GRM4: variants seen among roughly 807,000 people sequenced by gnomAD.
GRM4 encodes glutamate metabotropic receptor 4.
A neutral mutation model predicts 81.7 loss-of-function variants in GRM4; 28 were observed. That is an observed-to-expected ratio of 0.34 (90% CI 0.25 to 0.47). GRM4 has a LOEUF of 0.47. Ranked by LOEUF, GRM4 falls within the 20% of genes least tolerant of loss-of-function variation. The pLI is 1.00. For missense variants in GRM4, 948 were observed against 1,290.0 expected (o/e 0.73, Z 4.06); for synonymous variants, 488 against 528.8 (o/e 0.92, Z 1.06).
intron 8 of GRM4, among the ~76,000 whole-genome samples, chr6:34,038,619 C>A (rs1489280893): frequency 1.3e-5 from 2 of 152,086 alleles, no homozygotes; most frequent in Non-Finnish European, 2.9e-5. Flanking sequence ...CAGCACAGCC[C>A]AAACTGAGCC....
At position 34,074,375 on chromosome 6, in the gene GRM4, T is replaced by G. The variant is rs1387020153; in HGVS notation, c.737-12347A>C. ...ATTGCCCGTGGACAGGGTCAGCCCCTAGGGGATATTTTGGGGTGTGGAGGA... is the reference window on the plus strand; with the variant it reads ...ATTGCCCGTGGACAGGGTCAGCCCCGAGGGGATATTTTGGGGTGTGGAGGA... On this transcript the variant is annotated intron_variant, in intron 3 of 10. Transcript: ENST00000538487. This position sits in a 1 kb window ranked among gnomAD's most constrained non-coding sequence, Gnocchi z 4.9. 1.3e-5 allele frequency among the ~76,000 whole-genome samples: 2 copies of G among 152,172 alleles called. No individual in the cohort carries two copies. Among genetic ancestry groups the G allele is most frequent in the East Asian group, 3.9e-4 (2 of 5,186 alleles).
At chr6:34,151,410 C>G (rs1457613509) in intron 1 of GRM4, among the ~76,000 whole-genome samples, 2 of 151,088 alleles carry the variant, frequency 1.3e-5, no homozygotes. Context: ...CTTATCATCT[C>G]TCTCTCCACA....
intron 6 of GRM4, 52 bp downstream of exon 6, chr6:34,056,492 C>T: frequency 6.5e-7 from 1 of 1,537,786 alleles, no homozygotes; most frequent in Non-Finnish European, 8.9e-7. Flanking sequence ...AGGCTCGGCC[C>T]TCCCCGGCTC....
chr6:34,050,835 G>C (rs1178854233), intron 6 of GRM4, among the ~76,000 whole-genome samples: 1 of 152,200 alleles, frequency 6.6e-6, no homozygotes, highest in Admixed American at 6.5e-5. Context: ...TTGTCTGCAA[G>C]GCCACTCGCA....
rs549070508 is a variant in GRM4 at position 34,036,082 on chromosome 6, G to A, written c.2028C>T (p.Arg676=). Residue 676 remains arginine, a synonymous_variant, in exon 9 of 11, where the codon CGC becomes CGT. Coordinates refer to ENST00000538487, the MANE Select transcript of GRM4 (RefSeq NM_000841.4). The surrounding 1 kb of genome is among the most constrained non-coding windows in gnomAD (Gnocchi z 9.0). ...SYAALLTKTN[R]IYRIFEQGKR... is the part of the protein sequence containing the mutation. ...TGCCCTGCTCGAAGATGCGGTAGAT[G>A]CGGTTGGTCTTGGTGAGCAGGGCTG... The A allele has an allele frequency of 1.2e-6, 2 of 1,614,222 alleles. No individual in the cohort carries two copies. Among genetic ancestry groups the A allele is most frequent in the Admixed American group, 1.7e-5 (1 of 60,030 alleles).
upstream of GRM4, among the ~76,000 whole-genome samples, chr6:34,148,286 C>T (rs1770979873): frequency 6.6e-6 from 1 of 152,142 alleles, no homozygotes; most frequent in Non-Finnish European, 1.5e-5. Flanking sequence ...CCTTGCCCAG[C>T]TGGGGCACGC....
chr6:34,123,500 C>T (rs1769898154), intron 2 of GRM4, among the ~76,000 whole-genome samples: 1 of 152,156 alleles, frequency 6.6e-6, no homozygotes, highest in African/African-American at 2.4e-5. Context: ...TGGAAAGGTG[C>T]ACGTGATTCT....
rs2127501226 is a variant in GRM4 at position 34,115,862 on chromosome 6, G to C, written c.519+17116C>G. On this transcript the variant is annotated intron_variant, in intron 2 of 10. Transcript: ENST00000538487. This position sits in a 1 kb window ranked among gnomAD's most constrained non-coding sequence, Gnocchi z 4.1. ...GAATGCAAATGACAGTGGCCAGACT[G>C]TGACCTCCATGGACGGTCAATCAAT... 6.6e-6 allele frequency among the ~76,000 whole-genome samples: 1 copy of C among 152,332 alleles called. No individual in the cohort carries two copies. Among genetic ancestry groups the C allele is most frequent in the Non-Finnish European group, 1.5e-5 (1 of 68,034 alleles).
intron 3 of GRM4, among the ~76,000 whole-genome samples, chr6:34,066,426 A>C (rs1306520144): frequency 1.3e-5 from 2 of 152,226 alleles, no homozygotes; most frequent in Admixed American, 6.5e-5. Context: ...GACAAAAGCA[A>C]GTTGCAGCAG....
rs1266543535 is a variant in GRM4, at chr6:34,064,429, C to T, written c.737-2401G>A. Among the ~76,000 whole-genome samples the T allele has an allele frequency of 6.6e-6, 1 of 152,164 alleles. No homozygotes were observed. The highest frequency in any genetic ancestry group is 1.5e-5 in the Non-Finnish European group (1 of 68,024). ...GGAAGAGGTGGGGTTTGAACTTGGGCCATCTGGCTCCAGCGGCCACCTTTC... is the reference window on the plus strand; with the variant it reads ...GGAAGAGGTGGGGTTTGAACTTGGGTCATCTGGCTCCAGCGGCCACCTTTC... On this transcript the variant is annotated intron_variant, in intron 3 of 10. Coordinates refer to ENST00000538487, the MANE Select transcript of GRM4 (RefSeq NM_000841.4). This position sits in a 1 kb window ranked among gnomAD's most constrained non-coding sequence, Gnocchi z 4.4.
intron 2 of GRM4, among the ~76,000 whole-genome samples, chr6:34,118,965 G>A (rs1218103470): frequency 3.3e-5 from 5 of 152,164 alleles, no homozygotes; most frequent in Admixed American, 6.5e-5. Flanking sequence ...TCAGGTACTC[G>A]CTGCTAACTT....
Position 34,018,817 on chromosome 6 carries a change from G to A in GRM4, c.*4004C>T, listed in dbSNP as rs201298862. 2 of 152,278 alleles carry A rather than the reference G, an allele frequency of 1.3e-5. No homozygotes were observed. The highest frequency in any genetic ancestry group is 2.9e-5 in the Non-Finnish European group (2 of 68,086). The allele number at this position is 152,278 out of a possible 1,614,324, so 9.4% of individuals were successfully genotyped here. A position where few individuals can be genotyped will look rare whatever the true frequency, so the allele number is the denominator to read the frequency against. ...GCCATTTAGTGCTGGGTTGGGGGTGGGGGTCTGAGCCCTGTGAGGCTCACA... is the reference window on the plus strand; with the variant it reads ...GCCATTTAGTGCTGGGTTGGGGGTGAGGGTCTGAGCCCTGTGAGGCTCACA... On this transcript the variant is annotated 3_prime_UTR_variant, in exon 11 of 11. Transcript: ENST00000538487.
rs1246566399 is a variant in GRM4 at position 34,070,642 on chromosome 6, CTT to C, written c.737-8616_737-8615del. On this transcript the variant is annotated intron_variant, in intron 3 of 10. Transcript: ENST00000538487. This position sits in a 1 kb window ranked among gnomAD's most constrained non-coding sequence, Gnocchi z 4.6. ...AGCTCGGAGGACAGGGGCCTCATCA[CTT>C]AGCCAGGCCAGGACCCAGGACCCAG... 6.6e-6 allele frequency among the ~76,000 whole-genome samples: 1 copy of C among 151,724 alleles called. No individual in the cohort carries two copies. Among genetic ancestry groups the C allele is most frequent in the Non-Finnish European group, 1.5e-5 (1 of 67,878 alleles).
At chr6:34,055,866 G>A (rs1024245050) in intron 6 of GRM4, 7 of 152,256 alleles carry the variant, frequency 4.6e-5, no homozygotes, top group African/African-American at 1.7e-4. Context: ...CCTCCCCTGT[G>A]CGGCCTATCC....
In GRM4 at chr6:34,028,229, G is replaced by T; in HGVS notation, c.2580C>A (p.Leu860=). The T allele has an allele frequency of 6.2e-7, 1 of 1,614,126 alleles. No individual in the cohort carries two copies. Among genetic ancestry groups the T allele is most frequent in the Non-Finnish European group, 8.5e-7 (1 of 1,180,034 alleles). Residue 860 remains leucine, a synonymous_variant, in exon 10 of 11, where the codon CTC becomes CTA. Transcript: ENST00000538487. ...EQNVPKRKRS[L]KAVVTAATMS... is the part of the protein sequence containing the mutation. ...TGGTGGCCGCCGTAACGACGGCTTT[G>T]AGGCTGCGCTTGCGCTTGGGCACGT...
chr6:34,135,585 C>CTAGGG (rs1770425177), intron 1 of GRM4, among the ~76,000 whole-genome samples: 1 of 152,202 alleles, frequency 6.6e-6, no homozygotes, highest in Admixed American at 6.5e-5. Flanking sequence ...GGACCTAGGA[C>CTAGGG]TAGGGGCCAA....
intron 6 of GRM4, among the ~76,000 whole-genome samples, chr6:34,050,614 CA>C (rs928800541): frequency 3.3e-5 from 5 of 152,180 alleles, no homozygotes; most frequent in Non-Finnish European, 5.9e-5. Context: ...ATGAATTACC[CA>C]GCCTCAGGTA....
rs1768277017 is a variant in GRM4, at chr6:34,092,306, GATACACACACAGGCACACACATAC to G, written c.520-231_520-208del. ...CCCAAAGACACCCCAACCACACACA[GATACACACACAGGCACACACATAC>G]ATACACCACACACACATACACCCTG... On this transcript the variant is annotated intron_variant, in intron 2 of 10. Coordinates refer to ENST00000538487, the MANE Select transcript of GRM4 (RefSeq NM_000841.4). This position sits in a 1 kb window ranked among gnomAD's most constrained non-coding sequence, Gnocchi z 6.8. 6.6e-6 allele frequency among the ~76,000 whole-genome samples: 1 copy of G among 152,060 alleles called. No individual in the cohort carries two copies. The highest frequency in any genetic ancestry group is 2.1e-4 in the South Asian group (1 of 4,828).
chr6:34,056,429 C>A, intron 6 of GRM4, 115 bp downstream of exon 6: 1 of 969,480 alleles, frequency 1.0e-6, no homozygotes, highest in Non-Finnish European at 1.5e-6. Context: ...ACTGCACGTC[C>A]TGCCACGGCC....
Sources: allele counts gnomAD v4.1 joint callset (sites outside exome capture counted in the v4.1 genomes callset), GRCh38; gene constraint gnomAD v4.1.1; non-coding constraint Gnocchi (gnomAD v3.1); transcripts MANE v1.5; gene names NCBI Gene and HGNC (gene_info 2026-07-23, HGNC 2026-07-21).